ACSL5: variants seen among roughly 807,000 people sequenced by gnomAD.
The protein encoded by ACSL5 is acyl-CoA synthetase long chain family member 5.
Under a neutral mutation model 84.9 loss-of-function variants are expected in ACSL5, and 50 were observed. The ratio of observed to expected loss-of-function variants is 0.59; its 90% CI spans 0.47 to 0.75. The LOEUF (loss-of-function observed/expected upper bound fraction) is 0.75, where lower values mean the gene tolerates loss of function less well. Ranked by LOEUF, ACSL5 falls within the 30% of genes least tolerant of loss-of-function variation. The probability of loss-of-function intolerance (pLI) is 0.00; values close to 1 mark genes in which losing one functional copy is unlikely to be tolerated. For missense variants in ACSL5, 775 were observed against 830.4 expected (o/e 0.93, Z 0.82); for synonymous variants, 280 against 300.7 (o/e 0.93, Z 0.71).
At chr10:112,408,750 G>A (rs368222043) in intron 6 of ACSL5, 89 of 472,358 alleles carry the variant, frequency 1.9e-4, no homozygotes, top group African/African-American at 1.2e-3. Flanking sequence ...AATGACATGC[G>A]TCAGGGTGAC....
At chr10:112,426,221 C>T in intron 18 of ACSL5, 37 bp from the exon 19 acceptor site, 1 of 1,551,476 alleles carries the variant, frequency 6.4e-7, no homozygotes, top group Non-Finnish European at 8.9e-7. Flanking sequence ...TACATAACTT[C>T]TCTCATGCCC....
intron 1 of ACSL5, among the ~76,000 whole-genome samples, chr10:112,383,268 G>A (rs1226435060): frequency 1.3e-5 from 2 of 152,204 alleles, no homozygotes; most frequent in Admixed American, 1.3e-4. Flanking sequence ...TAGCGCCACT[G>A]CATTCCAGCC....
chr10:112,408,356 C>A, intron 5 of ACSL5, 66 bp from the exon 6 acceptor site: 1 of 1,008,802 alleles, frequency 9.9e-7, no homozygotes, highest in African/African-American at 1.6e-5. Flanking sequence ...CATTTGTTGG[C>A]TGAATGACTG....
intron 1 of ACSL5, among the ~76,000 whole-genome samples, 153 bp downstream of exon 1, chr10:112,374,422 C>T (rs550424207): frequency 6.6e-6 from 1 of 152,196 alleles, no homozygotes; most frequent in South Asian, 2.1e-4. Context: ...GTAATCTCAG[C>T]TGACTTGTGT....
chr10:112,385,130 C>T (rs778441596), intron 1 of ACSL5, among the ~76,000 whole-genome samples: 16 of 152,182 alleles, frequency 1.1e-4, no homozygotes, highest in Admixed American at 7.9e-4. Flanking sequence ...AATACATGAA[C>T]CTGCGTGCCA....
chr10:112,406,134 C>T (rs1246149743), intron 5 of ACSL5: 1 of 152,162 alleles, frequency 6.6e-6, no homozygotes, highest in Admixed American at 6.5e-5. Flanking sequence ...GTATATTAGT[C>T]TGCTAGAACT....
chr10:112,408,755 G>A (rs1192475647), intron 6 of ACSL5: 7 of 459,682 alleles, frequency 1.5e-5, no homozygotes, highest in South Asian at 4.6e-5. Flanking sequence ...CATGCGTCAG[G>A]GTGACATGGT....
At chr10:112,423,483 T>G (rs943707208) in intron 17 of ACSL5, among the ~76,000 whole-genome samples, 4 of 151,554 alleles carry the variant, frequency 2.6e-5, no homozygotes, top group Admixed American at 1.3e-4. Flanking sequence ...TGGTATAAGC[T>G]ACCACACCAG....
rs184897865 is a variant in ACSL5, at chr10:112,404,828, A to G, written c.432+22A>G. ...AGAGGTAACTATGTTGAAGTTAACT[A>G]AAGGAAATGAGTCAGGGTTAAGTTT... On this transcript the variant is annotated intron_variant, in intron 5 of 20. Transcript: ENST00000354655. 13,061 of 1,584,610 alleles carry G rather than the reference A, an allele frequency of 8.2e-3. 64 individuals carry two copies. The highest frequency in any genetic ancestry group is 9.8e-3 in the Non-Finnish European group (11,327 of 1,156,792).
chr10:112,422,479 A>C (rs1399404182), intron 17 of ACSL5, 38 bp downstream of exon 17: 15 of 1,569,408 alleles, frequency 9.6e-6, no homozygotes, highest in Non-Finnish European at 1.2e-5. Context: ...GTCTATGCTA[A>C]TGGACTGAGA....
chr10:112,396,837 C>T (rs1182250439), intron 2 of ACSL5, among the ~76,000 whole-genome samples: 1 of 152,230 alleles, frequency 6.6e-6, no homozygotes, highest in Non-Finnish European at 1.5e-5. Context: ...AAGACCCTGT[C>T]TTCCTTCACT....
intron 1 of ACSL5, 125 bp from the exon 2 acceptor site, chr10:112,394,793 T>C (rs545664581): frequency 9.3e-6 from 14 of 1,501,004 alleles, no homozygotes; most frequent in South Asian, 2.7e-5. Flanking sequence ...TGTTTGAGGG[T>C]TTGAAGGCGT....
chr10:112,381,763 T>C (rs1292853127), intron 1 of ACSL5, among the ~76,000 whole-genome samples: 1 of 151,440 alleles, frequency 6.6e-6, no homozygotes, highest in Non-Finnish European at 1.5e-5. Context: ...GGTCAGGAGT[T>C]TGAGACCAGA....
At chr10:112,401,240 C>T (rs568581351) in intron 3 of ACSL5, among the ~76,000 whole-genome samples, 1 of 152,188 alleles carries the variant, frequency 6.6e-6, no homozygotes, top group African/African-American at 2.4e-5. Flanking sequence ...AGAAAAATGA[C>T]ACTTCTGGTC....
chr10:112,379,159 C>T (rs1258502097), intron 1 of ACSL5, among the ~76,000 whole-genome samples: 1 of 152,162 alleles, frequency 6.6e-6, no homozygotes, highest in East Asian at 1.9e-4. Flanking sequence ...AATCCCAACA[C>T]TTTGGGAGGC....
intron 5 of ACSL5, among the ~76,000 whole-genome samples, chr10:112,407,340 C>T (rs1297091608): frequency 2.0e-5 from 3 of 152,186 alleles, no homozygotes; most frequent in Admixed American, 6.5e-5. Flanking sequence ...TCTTCTGCCT[C>T]AGCCTCCCGA....
At chr10:112,375,355 C>G (rs1849216997) in intron 1 of ACSL5, 1 of 151,328 alleles carries the variant, frequency 6.6e-6, no homozygotes, top group African/African-American at 2.4e-5. Flanking sequence ...AGGCCAAGGG[C>G]TCAGCTCTTG....
Position 112,409,591 on chromosome 10 carries a change from T to C in ACSL5, c.617T>C (p.Leu206Pro). ...GNVEKGFTPS[L>P]KVIILMDPFD... ...GTAGAGAAAGGCTTCACCCCGAGCCTGAAGGTGATCATCCTTATGGACCCC... is the reference window on the plus strand; with the variant it reads ...GTAGAGAAAGGCTTCACCCCGAGCCCGAAGGTGATCATCCTTATGGACCCC... Residue 206 changes from leucine to proline, a missense_variant, in exon 7 of 21, where the codon CTG becomes CCG. Coordinates refer to ENST00000354655, the MANE Select transcript of ACSL5 (RefSeq NM_203379.2). The C allele has an allele frequency of 1.1e-5, 18 of 1,614,150 alleles. No individual in the cohort carries two copies. The highest frequency in any genetic ancestry group is 1.5e-5 in the Non-Finnish European group (18 of 1,180,008).
At chr10:112,383,307 A>G (rs1458833234) in intron 1 of ACSL5, among the ~76,000 whole-genome samples, 5 of 152,190 alleles carry the variant, frequency 3.3e-5, no homozygotes, top group Admixed American at 3.3e-4. Context: ...TCTGTCCCAA[A>G]ATAAATATAT....
Sources: gnomAD v4.1 joint callset for allele counts (sites outside exome capture counted in the v4.1 genomes callset) on GRCh38, gnomAD v4.1.1 for gene constraint, MANE v1.5 for transcripts, NCBI Gene and HGNC (gene_info 2026-07-23, HGNC 2026-07-21) for gene names.